Variants in ZBBX observed in about 807,000 individuals in gnomAD.
ZBBX encodes the protein zinc finger B-box domain-containing protein 1.
Under a neutral mutation model 108.5 loss-of-function variants are expected in ZBBX, and 101 were observed. That is an observed-to-expected ratio of 0.93 (90% CI 0.79 to 1.10). The LOEUF (loss-of-function observed/expected upper bound fraction) is 1.10. Ranked by LOEUF, ZBBX falls within the 50% of genes least tolerant of loss-of-function variation. The pLI, the probability that ZBBX is intolerant of heterozygous loss-of-function variation, is 0.00. For missense variants in ZBBX, 1,009 were observed against 941.4 expected, an observed-to-expected ratio of 1.07 and a Z score of -0.94; for synonymous variants, 356 against 323.4, an observed-to-expected ratio of 1.10 and a Z score of -1.08.
chr3:167,319,048 T>G (rs1484917819), intron 12 of ZBBX, among the ~76,000 whole-genome samples: 4 of 152,004 alleles, frequency 2.6e-5, no homozygotes, highest in African/African-American at 9.7e-5. Flanking sequence ...GTTTGGCAGT[T>G]TCTTATAAAA....
chr3:167,360,693 G>T lies in ZBBX; in HGVS notation c.304C>A (p.Leu102Met). 7.2e-7 allele frequency: 1 copy of T among 1,382,518 alleles called. No individual in the cohort carries two copies. The highest frequency in any genetic ancestry group is 9.5e-7 in the Non-Finnish European group (1 of 1,054,308). 85.6% of individuals were successfully genotyped at this position (1,382,518 alleles called of 1,614,324 possible). The change falls in exon 7 of 22, where the codon CTG (leucine) becomes ATG (methionine). Residue 102 changes from leucine (L) to methionine (M), a missense_variant. By Grantham distance (15) the Leu-to-Met change is conservative (BLOSUM62 2). Transcript: ENST00000675490. ...TATTTACCTTGAATCTGTTCCTTCA[G>T]CAATTTTAATTTCACTTTTCCAGCA... The part of the protein sequence containing the change: ...FSAGKVKLKL[L>M]KEQIQEPVKP...
At chr3:167,400,028 G>A (rs908323222) in intron 1 of ZBBX, among the ~76,000 whole-genome samples, 10 of 152,148 alleles carry the variant, frequency 6.6e-5, no homozygotes, top group African/African-American at 1.9e-4. Flanking sequence ...TTGCTGCAGA[G>A]GAAATGATTT....
intron 20 of ZBBX, among the ~76,000 whole-genome samples, chr3:167,242,942 C>T (rs1720934615): frequency 6.6e-6 from 1 of 152,074 alleles, no homozygotes; most frequent in Non-Finnish European, 1.5e-5. Flanking sequence ...CAAATGACCC[C>T]CTTTAAAGCT....
chr3:167,247,317 G>A lies in ZBBX; in HGVS notation c.2255-4674C>T, dbSNP rs559111616. On this transcript the variant is annotated intron_variant, in intron 20 of 21. Coordinates refer to ENST00000675490, the MANE Select transcript of ZBBX (RefSeq NM_001199201.2). ...GCACACTGGCAGCCCATCAACCAGC[G>A]GGTTGAGATGGAGTTTGGCTAGGGC... Among the ~76,000 whole-genome samples the A allele has an allele frequency of 4.6e-5, 7 of 152,264 alleles. 1 individual carries two copies. In the South Asian group the frequency reaches 1.4e-3, roughly 32 times the overall value.
At chr3:167,395,444 G>A (rs1002673375) in intron 1 of ZBBX, among the ~76,000 whole-genome samples, 2 of 152,064 alleles carry the variant, frequency 1.3e-5, no homozygotes, top group Admixed American at 6.6e-5. Context: ...AAGCAGCCTA[G>A]TACCATGGAA....
chr3:167,349,021 T>C (rs1344369980), intron 9 of ZBBX, among the ~76,000 whole-genome samples: 1 of 151,630 alleles, frequency 6.6e-6, no homozygotes, highest in African/African-American at 2.4e-5. Context: ...TTTGAAATTA[T>C]GTGGGAGGGA....
chr3:167,406,354 C>T (rs551557098), intron 1 of ZBBX, among the ~76,000 whole-genome samples: 1 of 152,114 alleles, frequency 6.6e-6, no homozygotes, highest in African/African-American at 2.4e-5. Flanking sequence ...GGAGACACTC[C>T]CCAGGGAACT....
At chr3:167,251,400 G>A (rs1722576981) in intron 20 of ZBBX, among the ~76,000 whole-genome samples, 1 of 152,076 alleles carries the variant, frequency 6.6e-6, no homozygotes, top group South Asian at 2.1e-4. Flanking sequence ...ACACCCACTG[G>A]GGCCTTAGCA....
chr3:167,236,514 T>C (rs946187682), downstream of ZBBX, among the ~76,000 whole-genome samples: 1 of 151,832 alleles, frequency 6.6e-6, no homozygotes, highest in Non-Finnish European at 1.5e-5. Flanking sequence ...AAAGTCAGTA[T>C]CTTTTTCTCC....
At chr3:167,346,883 A>C (rs1222216566) in intron 9 of ZBBX, among the ~76,000 whole-genome samples, 1 of 151,942 alleles carries the variant, frequency 6.6e-6, no homozygotes, top group Non-Finnish European at 1.5e-5. Context: ...TTAAACAGAG[A>C]CTAGAGATAG....
chr3:167,397,142 T>TAAAAA lies in ZBBX; in HGVS notation c.-446+10579_-446+10583dup, dbSNP rs61671930. ...GTCGTGAAGAAGAGGTTCTTGGTGGTAAAAAAAAAAAAAAAAAAAAAAAAT... is the reference window on the plus strand; with the variant it reads ...GTCGTGAAGAAGAGGTTCTTGGTGGTAAAAAAAAAAAAAAAAAAAAAAAAAAAAAT... On this transcript the variant is annotated intron_variant, in intron 1 of 21. Coordinates refer to the ZBBX transcript ENST00000455345. Among the ~76,000 whole-genome samples, 298 of 72,390 alleles carry TAAAAA rather than the reference T, an allele frequency of 4.1e-3. 17 individuals carry two copies. The highest frequency in any genetic ancestry group is 0.012 in the African/African-American group (220 of 18,698). 47.5% of individuals were successfully genotyped at this position (72,390 alleles called of 152,430 possible).
At chr3:167,261,704 A>G (rs1232129546) in intron 20 of ZBBX, among the ~76,000 whole-genome samples, 1 of 143,738 alleles carries the variant, frequency 7.0e-6, no homozygotes. Context: ...CAGCCCTCAC[A>G]CCCAGATCAT....
At chr3:167,349,174 CTGAG>C (rs1742219929) in intron 9 of ZBBX, among the ~76,000 whole-genome samples, 1 of 152,056 alleles carries the variant, frequency 6.6e-6, no homozygotes, top group Non-Finnish European at 1.5e-5. Flanking sequence ...CTTAACGTCA[CTGAG>C]TGATAACTCA....
the ZBBX span, among the ~76,000 whole-genome samples, chr3:167,213,524 C>T: frequency 3.3e-5 from 5 of 152,170 alleles, no homozygotes; most frequent in African/African-American, 1.2e-4. Context: ...GGAACAAAAC[C>T]TCCAACAATT....
chr3:167,233,406 C>A, the ZBBX span, among the ~76,000 whole-genome samples: 1 of 151,752 alleles, frequency 6.6e-6, no homozygotes, highest in African/African-American at 2.4e-5. Flanking sequence ...GAGTTAGAGA[C>A]CTGAATGAAC....
rs183581934 is a variant in ZBBX, at chr3:167,295,484, G to A, written c.1879+2821C>T. 1.4e-4 allele frequency among the ~76,000 whole-genome samples: 21 copies of A among 151,538 alleles called. 1 individual carries two copies. The East Asian group carries it at 3.9e-3, about 28-fold the overall frequency. On this transcript the variant is annotated intron_variant, in intron 18 of 21. Transcript: ENST00000675490. Reference sequence around the variant, plus strand: ...ATGTTCCCACTCATAAGTGGGAGTTGAACAATGAGAACACATGGACACATC... The same window carrying A: ...ATGTTCCCACTCATAAGTGGGAGTTAAACAATGAGAACACATGGACACATC...
At chr3:167,320,785 C>A (rs1286642416) in intron 12 of ZBBX, among the ~76,000 whole-genome samples, 1 of 151,938 alleles carries the variant, frequency 6.6e-6, no homozygotes, top group African/African-American at 2.4e-5. Context: ...GGCATTTTTC[C>A]TCACAGTGTA....
chr3:167,223,433 A>G, the ZBBX span, among the ~76,000 whole-genome samples: 2 of 152,008 alleles, frequency 1.3e-5, no homozygotes, highest in African/African-American at 2.4e-5. Context: ...CTGGAAAACT[A>G]TAAGTCAAAC....
chr3:167,377,217 A>G (rs1420224558), intron 2 of ZBBX, among the ~76,000 whole-genome samples: 1 of 152,156 alleles, frequency 6.6e-6, no homozygotes, highest in African/African-American at 2.4e-5. Context: ...TGAGAAAGCA[A>G]CCCACACATC....
Sources: gnomAD v4.1 joint callset for allele counts (sites outside exome capture counted in the v4.1 genomes callset) on GRCh38, gnomAD v4.1.1 for gene constraint, MANE v1.5 for transcripts, NCBI Gene and HGNC (gene_info 2026-07-23, HGNC 2026-07-21) for gene names.